Variants in SPECC1 observed in about 807,000 individuals in gnomAD.
The protein encoded by SPECC1 is cytospin-B.
SPECC1 carries 62 observed loss-of-function variants against 104.1 expected under a neutral mutation model. The ratio of observed to expected loss-of-function variants is 0.60; its 90% CI spans 0.49 to 0.74. SPECC1 has a LOEUF of 0.74. Among genes scored for constraint, SPECC1 ranks in the 30% least tolerant of loss-of-function variants. The probability of loss-of-function intolerance (pLI) is 0.00; values close to 1 mark genes in which losing one functional copy is unlikely to be tolerated. For missense variants in SPECC1, 1,306 were observed against 1,310.5 expected (o/e 1.00, Z 0.05); for synonymous variants, 513 against 501.6 (o/e 1.02, Z -0.30).
At chr17:20,246,634 C>G (rs1420721748) in intron 8 of SPECC1, among the ~76,000 whole-genome samples, 1 of 152,214 alleles carries the variant, frequency 6.6e-6, no homozygotes, top group Non-Finnish European at 1.5e-5. Flanking sequence ...TTTAGTCATG[C>G]TTATCTTCCT....
chr17:20,070,564 A>G (rs900823751), intron 1 of SPECC1, among the ~76,000 whole-genome samples: 3 of 152,274 alleles, frequency 2.0e-5, no homozygotes, highest in African/African-American at 7.2e-5. Context: ...TATGACATCT[A>G]TTATCACTTT....
chr17:20,010,756 T>G (rs1039875132), intron 1 of SPECC1, among the ~76,000 whole-genome samples: 3 of 152,254 alleles, frequency 2.0e-5, no homozygotes, highest in Non-Finnish European at 2.9e-5. Context: ...CTATTGAGGT[T>G]AAATAGGAAT....
intron 3 of SPECC1, among the ~76,000 whole-genome samples, chr17:20,187,179 T>G (rs529016153): frequency 6.6e-6 from 1 of 152,266 alleles, no homozygotes; most frequent in South Asian, 2.1e-4. Flanking sequence ...TTTTGTATTT[T>G]TTTCTGAATT....
chr17:20,131,001 A>T (rs1425105452), intron 3 of SPECC1, among the ~76,000 whole-genome samples: 2 of 152,160 alleles, frequency 1.3e-5, no homozygotes, highest in African/African-American at 4.8e-5. Context: ...ATGATACTGT[A>T]TTTTTAATTT....
intron 3 of SPECC1, among the ~76,000 whole-genome samples, chr17:20,181,486 ACT>A (rs1308209243): frequency 6.6e-6 from 1 of 152,156 alleles, no homozygotes; most frequent in African/African-American, 2.4e-5. Flanking sequence ...TATTTGTGAA[ACT>A]CTGGAGGAAG....
intron 4 of SPECC1, among the ~76,000 whole-genome samples, chr17:20,209,640 C>T (rs766521067): frequency 6.6e-6 from 1 of 151,666 alleles, no homozygotes; most frequent in Non-Finnish European, 1.5e-5. Context: ...TCTTGATGGC[C>T]GCTTAATCTG....
At chr17:20,227,379 G>T (rs1193858088) in intron 4 of SPECC1, 34 bp from the exon 5 acceptor site, 1 of 1,588,340 alleles carries the variant, frequency 6.3e-7, no homozygotes, top group East Asian at 2.3e-5. Context: ...TTTTTTTGTT[G>T]TTAACTGACC....
chr17:20,078,358 A>C (rs1263109451), intron 1 of SPECC1, among the ~76,000 whole-genome samples: 4 of 152,044 alleles, frequency 2.6e-5, no homozygotes, highest in Non-Finnish European at 5.9e-5. Flanking sequence ...CAGACACCAA[A>C]GAAAAATGGG....
At chr17:20,311,460 G>A (rs1177632483) in intron 14 of SPECC1, among the ~76,000 whole-genome samples, 1 of 151,632 alleles carries the variant, frequency 6.6e-6, no homozygotes, top group Non-Finnish European at 1.5e-5. Context: ...GCATGATCTC[G>A]GCTCACTGCA....
chr17:20,288,976 G>T (rs1431670450), intron 12 of SPECC1, among the ~76,000 whole-genome samples: 2 of 151,840 alleles, frequency 1.3e-5, no homozygotes, highest in African/African-American at 4.8e-5. Flanking sequence ...GTAGAGATGG[G>T]ATTTCACCAT....
At chr17:20,226,701 A>G (rs1035415166) in intron 4 of SPECC1, among the ~76,000 whole-genome samples, 3 of 152,208 alleles carry the variant, frequency 2.0e-5, no homozygotes, top group Non-Finnish European at 4.4e-5. Flanking sequence ...AATTGAACAG[A>G]TGAAGCGATT....
chr17:20,156,177 G>A, intron 3 of SPECC1: 1 of 1,443,934 alleles, frequency 6.9e-7, no homozygotes. Flanking sequence ...CAAGCCGGCT[G>A]GTGCCCGAGT....
chr17:20,210,165 G>A (rs975582642), intron 4 of SPECC1, among the ~76,000 whole-genome samples: 25 of 152,212 alleles, frequency 1.6e-4, no homozygotes, highest in Non-Finnish European at 5.9e-5. Flanking sequence ...TCCTGTAGCT[G>A]TGACATTGGA....
chr17:20,121,650 C>A (rs1424328354), intron 3 of SPECC1, among the ~76,000 whole-genome samples: 4 of 152,164 alleles, frequency 2.6e-5, no homozygotes, highest in East Asian at 3.9e-4. Context: ...TCTTATTATT[C>A]TTTTTCTCCC....
At position 20,144,175 on chromosome 17, in the gene SPECC1, C is replaced by CTT. The variant is rs1168474738; in HGVS notation, c.283+33639_283+33640dup. On this transcript the variant is annotated intron_variant, in intron 3 of 14. Coordinates refer to ENST00000395527, the MANE Select transcript of SPECC1 (RefSeq NM_001243439.2). ...TTATTTAATACTGTTTTTTTCTTTTCTTTTTTTTTTTTTTTTTTTTTTTTT... is the reference window on the plus strand; with the variant it reads ...TTATTTAATACTGTTTTTTTCTTTTCTTTTTTTTTTTTTTTTTTTTTTTTTTT... Among the ~76,000 whole-genome samples, 44 of 94,376 alleles carry CTT rather than the reference C, an allele frequency of 4.7e-4. 1 individual carries two copies. The highest frequency in any genetic ancestry group is 5.6e-3 in the Middle Eastern group (1 of 178). The allele number at this position is 94,376 out of a possible 152,430, so 61.9% of individuals were successfully genotyped here. A position where few individuals can be genotyped will look rare whatever the true frequency, so the allele number is the denominator to read the frequency against.
intron 12 of SPECC1, among the ~76,000 whole-genome samples, chr17:20,263,191 CG>C (rs1367590762): frequency 1.3e-5 from 2 of 149,990 alleles, no homozygotes; most frequent in African/African-American, 4.9e-5. Flanking sequence ...GCCGAGGACA[CG>C]GGAAAGAATA....
chr17:20,114,506 T>G (rs1222379247), intron 3 of SPECC1, among the ~76,000 whole-genome samples: 18 of 150,562 alleles, frequency 1.2e-4, no homozygotes, highest in Middle Eastern at 6.8e-3. Flanking sequence ...TTTTTTTGTT[T>G]TTTTTTTTAG....
chr17:20,125,689 C>T (rs2049267544), intron 3 of SPECC1, among the ~76,000 whole-genome samples: 2 of 152,242 alleles, frequency 1.3e-5, no homozygotes, highest in South Asian at 4.1e-4. Context: ...CACAATGGGA[C>T]ATGTGTCAGA....
At chr17:20,111,769 G>A (rs1440165205) in intron 3 of SPECC1, 1 of 746,606 alleles carries the variant, frequency 1.3e-6, no homozygotes, top group Non-Finnish European at 2.5e-6. Flanking sequence ...AAGGTGGGAG[G>A]AGGATCGGGT....
Sources: allele counts gnomAD v4.1 joint callset (sites outside exome capture counted in the v4.1 genomes callset), GRCh38; gene constraint gnomAD v4.1.1; transcripts MANE v1.5; gene names NCBI Gene and HGNC (gene_info 2026-07-23, HGNC 2026-07-21).